The following ARL15 variants were observed in gnomAD, a reference collection of about 807,000 sequenced individuals.
The protein encoded by ARL15 is ADP-ribosylation factor-like protein 15.
ARL15 carries 19 observed loss-of-function variants against 25.2 expected under a neutral mutation model. The observed-to-expected ratio is 0.75, with a 90% CI of 0.53 to 1.10. The LOEUF is 1.10. Among genes scored for constraint, ARL15 ranks in the 50% least tolerant of loss-of-function variants. ARL15 has a pLI of 0.00. For synonymous variants in ARL15, 94 were observed against 86.8 expected, an observed-to-expected ratio of 1.08 and a Z score of -0.46; for missense variants, 220 against 246.0, an observed-to-expected ratio of 0.89 and a Z score of 0.71.
chr5:54,083,952 AAAG>A (rs938189296), intron 4 of ARL15, among the ~76,000 whole-genome samples: 3 of 152,182 alleles, frequency 2.0e-5, no homozygotes, highest in African/African-American at 7.2e-5. Context: ...ATCATACAGA[AAAG>A]AAGATGACTG....
chr5:53,953,561 G>A (rs371684933), intron 4 of ARL15, among the ~76,000 whole-genome samples: 2 of 152,252 alleles, frequency 1.3e-5, no homozygotes, highest in South Asian at 2.1e-4. Context: ...TGTGATCAGT[G>A]CTACTGATGG....
intron 4 of ARL15, among the ~76,000 whole-genome samples, chr5:54,111,303 T>C (rs150139804): frequency 1.3e-5 from 2 of 152,026 alleles, no homozygotes; most frequent in Non-Finnish European, 2.9e-5. Context: ...TTTCAGACCA[T>C]ATCTATGACA....
chr5:54,302,173 C>T (rs913273596), intron 1 of ARL15, among the ~76,000 whole-genome samples: 11 of 152,194 alleles, frequency 7.2e-5, no homozygotes, highest in African/African-American at 2.7e-4. Flanking sequence ...CAGAAACAAT[C>T]AAGTGACCCC....
chr5:54,147,675 A>G (rs1196962378), intron 3 of ARL15, among the ~76,000 whole-genome samples: 1 of 152,156 alleles, frequency 6.6e-6, no homozygotes, highest in Non-Finnish European at 1.5e-5. Context: ...GTTTCTCACC[A>G]TCCCTCCCAT....
intron 4 of ARL15, among the ~76,000 whole-genome samples, chr5:53,988,896 T>C (rs533794208): frequency 2.0e-5 from 3 of 152,264 alleles, no homozygotes; most frequent in Admixed American, 1.3e-4. Flanking sequence ...CTGAGATAAA[T>C]ATGCAACATC....
chr5:53,964,104 C>T (rs899596705), intron 4 of ARL15, among the ~76,000 whole-genome samples: 3 of 152,110 alleles, frequency 2.0e-5, no homozygotes, highest in African/African-American at 7.2e-5. Flanking sequence ...CCCAAGGAGC[C>T]TGGTTGTGGC....
At chr5:53,906,724 T>A (rs62372375) in intron 4 of ARL15, among the ~76,000 whole-genome samples, 14 of 152,130 alleles carry the variant, frequency 9.2e-5, no homozygotes, top group Admixed American at 6.5e-4. Flanking sequence ...ATCTTAATGG[T>A]TTTTATGAAA....
intron 3 of ARL15, among the ~76,000 whole-genome samples, chr5:54,152,352 A>G (rs1754091398): frequency 6.6e-6 from 1 of 152,180 alleles, no homozygotes; most frequent in Non-Finnish European, 1.5e-5. Flanking sequence ...TATACAGGTT[A>G]GCCTAGCTTT....
At chr5:54,054,076 G>A (rs1173511794) in intron 4 of ARL15, among the ~76,000 whole-genome samples, 1 of 152,058 alleles carries the variant, frequency 6.6e-6, no homozygotes, top group Non-Finnish European at 1.5e-5. Context: ...TAAATAACTA[G>A]CTATGAATGT....
chr5:54,152,804 C>T (rs958077625), intron 3 of ARL15, among the ~76,000 whole-genome samples: 3 of 152,218 alleles, frequency 2.0e-5, no homozygotes, highest in African/African-American at 7.2e-5. Context: ...CAGGGAACAG[C>T]TCTTTCGGCA....
intron 4 of ARL15, among the ~76,000 whole-genome samples, chr5:54,105,504 T>C (rs72752114): frequency 1.3e-5 from 2 of 152,332 alleles, no homozygotes; most frequent in Non-Finnish European, 2.9e-5. Context: ...TACAAAGTAT[T>C]AAATATAAGA....
intron 4 of ARL15, among the ~76,000 whole-genome samples, chr5:54,058,506 C>T (rs1332111763): frequency 6.6e-6 from 1 of 152,160 alleles, no homozygotes; most frequent in Non-Finnish European, 1.5e-5. Context: ...GTGTGATAAA[C>T]AGCAACAAAC....
intron 4 of ARL15, among the ~76,000 whole-genome samples, chr5:54,022,699 C>A (rs1191423682): frequency 6.6e-6 from 1 of 152,220 alleles, no homozygotes; most frequent in Non-Finnish European, 1.5e-5. Context: ...TAAGCTTCCA[C>A]CATCAGGCCC....
chr5:54,224,555 A>G (rs1756467722), intron 1 of ARL15, among the ~76,000 whole-genome samples: 1 of 152,172 alleles, frequency 6.6e-6, no homozygotes, highest in African/African-American at 2.4e-5. Context: ...ATAAATAACT[A>G]TAAATCAGCA....
chr5:53,959,432 C>T (rs909148802), intron 4 of ARL15, among the ~76,000 whole-genome samples: 3 of 152,070 alleles, frequency 2.0e-5, no homozygotes, highest in African/African-American at 7.2e-5. Flanking sequence ...TCCTTGCCTT[C>T]ACAGAGGTCA....
intron 4 of ARL15, among the ~76,000 whole-genome samples, chr5:54,006,234 G>A (rs1251651084): frequency 6.6e-6 from 1 of 151,934 alleles, no homozygotes; most frequent in Non-Finnish European, 1.5e-5. Context: ...CTATAACTGA[G>A]GTGACATTTC....
intron 1 of ARL15, chr5:54,282,422 T>G: frequency 1.0e-6 from 1 of 985,460 alleles, no homozygotes; most frequent in Non-Finnish European, 1.2e-6. Flanking sequence ...TTAAAGAAAA[T>G]CTGCTGTATT....
At chr5:53,942,801 T>C (rs1213327933) in intron 4 of ARL15, among the ~76,000 whole-genome samples, 1 of 151,920 alleles carries the variant, frequency 6.6e-6, no homozygotes. Context: ...ACCTAGGATA[T>C]GAGTGTAGGT....
At chr5:54,097,589 T>C (rs941375680) in intron 4 of ARL15, among the ~76,000 whole-genome samples, 1 of 152,174 alleles carries the variant, frequency 6.6e-6, no homozygotes, top group Non-Finnish European at 1.5e-5. Context: ...CCAAAATTCT[T>C]TTGAATATGA....
Sources: allele counts gnomAD v4.1 joint callset (sites outside exome capture counted in the v4.1 genomes callset), GRCh38; gene constraint gnomAD v4.1.1; transcripts MANE v1.5; gene names NCBI Gene and HGNC (gene_info 2026-07-23, HGNC 2026-07-21).